The following MECOM variants were observed in gnomAD, a reference collection of about 807,000 sequenced individuals.
MECOM encodes histone-lysine N-methyltransferase MECOM.
Under a neutral mutation model 116.3 loss-of-function variants are expected in MECOM, and 13 were observed. That is an observed-to-expected ratio of 0.11 (90% CI 0.07 to 0.18). MECOM has a LOEUF of 0.18. Ranked by LOEUF, MECOM falls within the 10% of genes least tolerant of loss-of-function variation. The pLI is 1.00. For missense variants in MECOM, 1,299 were observed against 1,509.0 expected, an observed-to-expected ratio of 0.86 and a Z score of 2.31; for synonymous variants, 528 against 535.2, an observed-to-expected ratio of 0.99 and a Z score of 0.19.
intron 14 of MECOM, among the ~76,000 whole-genome samples, chr3:169,091,410 A>C (rs1719676012): frequency 6.6e-6 from 1 of 152,144 alleles, no homozygotes; most frequent in Admixed American, 6.6e-5. Flanking sequence ...TGCTGAAGCC[A>C]GATGTTGCAA....
At chr3:169,490,886 A>AT (rs1488169957) in intron 1 of MECOM, among the ~76,000 whole-genome samples, 2 of 152,066 alleles carry the variant, frequency 1.3e-5, no homozygotes, top group Non-Finnish European at 1.5e-5. Flanking sequence ...ATTTCATAAT[A>AT]TAAAAAAAAT....
rs115732651 is a variant in MECOM at position 169,513,293 on chromosome 3, C to A, written c.38-131769G>T. 6.2e-3 allele frequency among the ~76,000 whole-genome samples: 942 copies of A among 152,322 alleles called. 12 individuals carry two copies. Among genetic ancestry groups the A allele is most frequent in the Middle Eastern group, 0.017 (5 of 294 alleles). On this transcript the variant is annotated intron_variant, in intron 1 of 16. Coordinates refer to ENST00000651503, the MANE Select transcript of MECOM (RefSeq NM_004991.4). ...ATCAACCACATGCACACAGTGAAGG[C>A]AGATGAATCTGCCCATCAAGTGTGA...
intron 2 of MECOM, among the ~76,000 whole-genome samples, chr3:169,202,677 C>A (rs1749320055): frequency 6.6e-6 from 1 of 151,828 alleles, no homozygotes; most frequent in African/African-American, 2.4e-5. Flanking sequence ...CCTAACCAGA[C>A]ACGGTGTAAG....
rs1751234983 is a variant in MECOM at position 169,481,236 on chromosome 3, T to G, written c.38-99712A>C. Among the ~76,000 whole-genome samples, 3 of 152,282 alleles carry G rather than the reference T, an allele frequency of 2.0e-5. No homozygotes were observed. The South Asian group carries it at 6.2e-4, about 32-fold the overall frequency. ...CTTTTAGCTGTATATCTTGGCATGT[T>G]AGGTTATGCTGGGTATTAAAAACAA... is the stretch of plus-strand genomic sequence containing the variant. On this transcript the variant is annotated intron_variant, in intron 1 of 16. Coordinates refer to ENST00000651503, the MANE Select transcript of MECOM (RefSeq NM_004991.4).
chr3:169,280,524 CAA>C (rs1239229439), intron 2 of MECOM, among the ~76,000 whole-genome samples: 3 of 151,920 alleles, frequency 2.0e-5, no homozygotes, highest in Non-Finnish European at 4.4e-5. Context: ...TCCATGGAAG[CAA>C]AAGAGCAAGC....
At position 169,205,475 on chromosome 3, in the gene MECOM, C is replaced by T. The variant is rs568833092; in HGVS notation, c.376-61643G>A. 2.4e-3 allele frequency among the ~76,000 whole-genome samples: 361 copies of T among 152,274 alleles called. 1 individual carries two copies. The highest frequency in any genetic ancestry group is 0.011 in the South Asian group (51 of 4,824). ...GCCACACCGTACTGTACATTCCATT[C>T]CCTTCTGAAAAGTTAAGACAAGGCT... On this transcript the variant is annotated intron_variant, in intron 2 of 16. Coordinates refer to ENST00000651503, the MANE Select transcript of MECOM (RefSeq NM_004991.4).
chr3:169,581,311 T>C (rs973765908), intron 1 of MECOM, among the ~76,000 whole-genome samples: 3 of 152,166 alleles, frequency 2.0e-5, no homozygotes, highest in Non-Finnish European at 2.9e-5. Flanking sequence ...AGTTCTTCTT[T>C]ACCTACTGCT....
chr3:169,575,372 T>C (rs1369726920), intron 1 of MECOM, among the ~76,000 whole-genome samples: 3 of 152,146 alleles, frequency 2.0e-5, no homozygotes, highest in African/African-American at 7.2e-5. Context: ...GAAATACATT[T>C]AACAAACTCT....
intron 1 of MECOM, among the ~76,000 whole-genome samples, chr3:169,413,849 T>A (rs1014349529): frequency 2.0e-5 from 3 of 152,202 alleles, no homozygotes; most frequent in Non-Finnish European, 4.4e-5. Context: ...TCCTCCTCTC[T>A]GGGCAAGCCA....
At chr3:169,657,329 G>A (rs1299728651) in intron 1 of MECOM, among the ~76,000 whole-genome samples, 1 of 152,232 alleles carries the variant, frequency 6.6e-6, no homozygotes, top group African/African-American at 2.4e-5. Flanking sequence ...ACACGTGAGA[G>A]AATGGCTTCA....
intron 2 of MECOM, among the ~76,000 whole-genome samples, chr3:169,265,691 G>A (rs1040371557): frequency 5.3e-5 from 8 of 152,278 alleles, no homozygotes; most frequent in East Asian, 1.9e-4. Flanking sequence ...AGTTAATAAC[G>A]CATACTAAGT....
chr3:169,307,834 G>T (rs976691664), intron 2 of MECOM, among the ~76,000 whole-genome samples: 1 of 151,994 alleles, frequency 6.6e-6, no homozygotes, highest in Non-Finnish European at 1.5e-5. Flanking sequence ...ATTTGAATAC[G>T]ACCCAAACAT....
At chr3:169,516,624 C>A (rs528881632) in intron 1 of MECOM, among the ~76,000 whole-genome samples, 4 of 152,268 alleles carry the variant, frequency 2.6e-5, no homozygotes, top group African/African-American at 9.6e-5. Context: ...AGTACCATGA[C>A]CACATGTGAC....
At chr3:169,138,249 A>G (rs1736975861) in intron 3 of MECOM, among the ~76,000 whole-genome samples, 1 of 152,124 alleles carries the variant, frequency 6.6e-6, no homozygotes, top group South Asian at 2.1e-4. Context: ...TGCAAACACT[A>G]ACTACTTAAA....
At chr3:169,633,156 T>C (rs1772295549) in intron 1 of MECOM, among the ~76,000 whole-genome samples, 1 of 152,094 alleles carries the variant, frequency 6.6e-6, no homozygotes, top group African/African-American at 2.4e-5. Context: ...TTCCAAGCCA[T>C]TGAAACTCAC....
chr3:169,654,239 T>C (rs1445542868), intron 1 of MECOM, among the ~76,000 whole-genome samples: 1 of 152,194 alleles, frequency 6.6e-6, no homozygotes, highest in Admixed American at 6.5e-5. Flanking sequence ...TCCTAAAGAC[T>C]TAATTTTACC....
At chr3:169,319,054 C>A in intron 2 of MECOM, among the ~76,000 whole-genome samples, 1 of 150,528 alleles carries the variant, frequency 6.6e-6, no homozygotes, top group Non-Finnish European at 1.5e-5. Context: ...GCCAAGATCG[C>A]ACCACTGCCC....
intron 1 of MECOM, among the ~76,000 whole-genome samples, chr3:169,448,838 G>C (rs953810470): frequency 6.6e-6 from 1 of 152,090 alleles, no homozygotes; most frequent in Non-Finnish European, 1.5e-5. Flanking sequence ...TAATTCTTAA[G>C]TACCATTAAA....
chr3:169,434,621 G>A (rs1742327325), intron 1 of MECOM, among the ~76,000 whole-genome samples: 1 of 152,128 alleles, frequency 6.6e-6, no homozygotes, highest in African/African-American at 2.4e-5. Context: ...TACATAAAGA[G>A]CAGGCACACC....
Sources: allele counts gnomAD v4.1 joint callset (sites outside exome capture counted in the v4.1 genomes callset), GRCh38; gene constraint gnomAD v4.1.1; transcripts MANE v1.5; gene names NCBI Gene and HGNC (gene_info 2026-07-23, HGNC 2026-07-21).